Variants in GPLD1 observed in about 807,000 individuals in gnomAD.
GPLD1 encodes the protein phosphatidylinositol-glycan-specific phospholipase D.
A neutral mutation model predicts 112.6 loss-of-function variants in GPLD1; 84 were observed. That is an observed-to-expected ratio of 0.75 (90% CI 0.63 to 0.89). GPLD1 has a LOEUF of 0.89. Ranked by LOEUF, GPLD1 falls within the 40% of genes least tolerant of loss-of-function variation. The pLI, the probability that GPLD1 is intolerant of heterozygous loss-of-function variation, is 0.00. For missense variants in GPLD1, 1,044 were observed against 1,051.5 expected (o/e 0.99, Z 0.10); for synonymous variants, 386 against 403.8 (o/e 0.96, Z 0.53).
chr6:24,429,624 T>C (rs1390339369), intron 24 of GPLD1, among the ~76,000 whole-genome samples: 1 of 152,228 alleles, frequency 6.6e-6, no homozygotes, highest in Non-Finnish European at 1.5e-5. Context: ...CTCAGCTCAC[T>C]GCAACTTCTG....
intron 2 of GPLD1, among the ~76,000 whole-genome samples, chr6:24,484,327 C>T (rs907934290): frequency 6.6e-6 from 1 of 152,176 alleles, no homozygotes; most frequent in East Asian, 1.9e-4. Flanking sequence ...TTCCCCGCCT[C>T]AGCCTCCCAA....
chr6:24,461,972 G>A (rs1268913616), intron 11 of GPLD1, among the ~76,000 whole-genome samples: 1 of 152,072 alleles, frequency 6.6e-6, no homozygotes, highest in Non-Finnish European at 1.5e-5. Flanking sequence ...CCTGACTCCA[G>A]CAGAAAATAT....
chr6:24,467,104 A>G (rs113912826), intron 8 of GPLD1, 63 bp downstream of exon 8: 12 of 1,169,514 alleles, frequency 1.0e-5, no homozygotes, highest in African/African-American at 4.5e-5. Context: ...ACAAAAACAT[A>G]AAAACTGTGC....
intron 2 of GPLD1, among the ~76,000 whole-genome samples, chr6:24,482,117 T>TTTC (rs1383275975): frequency 7.4e-5 from 11 of 148,536 alleles, no homozygotes; most frequent in South Asian, 2.2e-4. Flanking sequence ...TTTTTTTTTT[T>TTTC]TGAGATGGAG....
chr6:24,425,348 T>C (rs1762197548), downstream of GPLD1: 1 of 152,242 alleles, frequency 6.6e-6, no homozygotes, highest in Non-Finnish European at 1.5e-5. Context: ...CTTGCAGTTT[T>C]ATTGACTTAG....
chr6:24,444,832 C>G (rs1224585086), intron 20 of GPLD1, among the ~76,000 whole-genome samples: 3 of 152,010 alleles, frequency 2.0e-5, no homozygotes, highest in African/African-American at 4.8e-5. Flanking sequence ...CTGGGCGACA[C>G]AGCAAGACTG....
At chr6:24,488,553 T>C (rs1260341318) in intron 1 of GPLD1, among the ~76,000 whole-genome samples, 1 of 152,236 alleles carries the variant, frequency 6.6e-6, no homozygotes, top group African/African-American at 2.4e-5. Context: ...ATACACTTCA[T>C]ACAAGAACCA....
chr6:24,445,530 A>G lies in GPLD1; in HGVS notation c.2020+16T>C, dbSNP rs1762882460. The G allele has an allele frequency of 1.3e-6, 2 of 1,573,166 alleles. No homozygotes were observed. The highest frequency in any genetic ancestry group is 1.7e-6 in the Non-Finnish European group (2 of 1,142,892). On this transcript the variant is annotated intron_variant, in intron 20 of 24. Transcript: ENST00000230036. ...CATGACTGAAAGGAAGCACAGTTTC[A>G]CAGTGTGTGACCTACCGTACGTAGG...
chr6:24,460,931 T>A (rs1360828565), intron 11 of GPLD1, among the ~76,000 whole-genome samples: 1 of 151,882 alleles, frequency 6.6e-6, no homozygotes, highest in African/African-American at 2.4e-5. Context: ...TTAGTAGAGA[T>A]GGAGTTTCAC....
intron 10 of GPLD1, among the ~76,000 whole-genome samples, chr6:24,465,104 G>A (rs1056021554): frequency 6.6e-6 from 1 of 150,802 alleles, no homozygotes; most frequent in Admixed American, 6.6e-5. Flanking sequence ...AGCTGAGGCA[G>A]GAGAATTGCT....
At chr6:24,440,038 T>C (rs1027022551) in intron 20 of GPLD1, among the ~76,000 whole-genome samples, 23 of 152,054 alleles carry the variant, frequency 1.5e-4, no homozygotes, top group Non-Finnish European at 3.1e-4. Flanking sequence ...TTTCTTCCAG[T>C]GGAGGGAGCA....
chr6:24,461,376 CAAT>C (rs1328365880), intron 11 of GPLD1, among the ~76,000 whole-genome samples: 4 of 152,262 alleles, frequency 2.6e-5, no homozygotes, highest in Non-Finnish European at 4.4e-5. Context: ...TCAAATACAA[CAAT>C]GACGACTTCA....
At chr6:24,484,528 T>C (rs568519955) in intron 2 of GPLD1, among the ~76,000 whole-genome samples, 1 of 152,346 alleles carries the variant, frequency 6.6e-6, no homozygotes, top group East Asian at 1.9e-4. Flanking sequence ...TTTCTGAGGA[T>C]GACATTAGTA....
At chr6:24,430,794 A>T (rs937391580) in intron 24 of GPLD1, among the ~76,000 whole-genome samples, 4 of 152,114 alleles carry the variant, frequency 2.6e-5, no homozygotes, top group African/African-American at 9.7e-5. Flanking sequence ...TTATCTTTAC[A>T]CCCAGAGCGT....
chr6:24,437,170 G>C lies in GPLD1; in HGVS notation c.2140C>G (p.Arg714Gly), dbSNP rs553287827. ...AGAACGCCACCAAATCGGGAGAAGCGGCGGTCTCCGCTGAAGGTGCTGAGC... is the reference window on the plus strand; with the variant it reads ...AGAACGCCACCAAATCGGGAGAAGCCGCGGTCTCCGCTGAAGGTGCTGAGC... ...LLLSTFSGDR[R>G]FSRFGGVLHL... The change falls in exon 21 of 25, where the codon CGC becomes GGC. Residue 714 changes from arginine (R) to glycine (G), a missense_variant. Arg to Gly is a moderately radical substitution (Grantham distance 125). Transcript: ENST00000230036. The C allele has an allele frequency of 6.2e-7, 1 of 1,614,184 alleles. No individual in the cohort carries two copies. Among genetic ancestry groups the C allele is most frequent in the Non-Finnish European group, 8.5e-7 (1 of 1,179,992 alleles).
At chr6:24,471,746 G>T (rs1351332126) in intron 7 of GPLD1, among the ~76,000 whole-genome samples, 3 of 152,082 alleles carry the variant, frequency 2.0e-5, no homozygotes, top group Non-Finnish European at 4.4e-5. Context: ...AAGAGACAGG[G>T]TCTCACTGTG....
intron 7 of GPLD1, among the ~76,000 whole-genome samples, chr6:24,471,120 T>G (rs1415827467): frequency 6.6e-6 from 1 of 152,104 alleles, no homozygotes; most frequent in Non-Finnish European, 1.5e-5. Context: ...CTACAGCAAT[T>G]AAAATAATCA....
intron 7 of GPLD1, among the ~76,000 whole-genome samples, chr6:24,469,329 G>T (rs540706321): frequency 1.5e-5 from 2 of 135,804 alleles, no homozygotes; most frequent in African/African-American, 2.8e-5. Flanking sequence ...ACATGCACAC[G>T]TATGTTTATT....
intron 10 of GPLD1, among the ~76,000 whole-genome samples, chr6:24,463,350 G>C (rs1199803860): frequency 6.6e-6 from 1 of 152,184 alleles, no homozygotes; most frequent in Non-Finnish European, 1.5e-5. Flanking sequence ...AATATAAGAA[G>C]AGTATTCTGG....
Sources: gnomAD v4.1 joint callset for allele counts (sites outside exome capture counted in the v4.1 genomes callset) on GRCh38, gnomAD v4.1.1 for gene constraint, MANE v1.5 for transcripts, NCBI Gene and HGNC (gene_info 2026-07-23, HGNC 2026-07-21) for gene names.